The following RABGAP1L variants were observed in gnomAD, a reference collection of about 807,000 sequenced individuals.
RABGAP1L encodes the protein rab GTPase-activating protein 1-like.
Under a neutral mutation model 137.7 loss-of-function variants are expected in RABGAP1L, and 63 were observed. The observed-to-expected ratio is 0.46, with a 90% confidence interval of 0.37 to 0.56. RABGAP1L has a LOEUF of 0.56. RABGAP1L is among the 20% of genes least tolerant of loss of function. The probability of loss-of-function intolerance (pLI) is 0.00; values close to 1 mark genes in which losing one functional copy is unlikely to be tolerated. For missense variants in RABGAP1L, 1,095 were observed against 1,244.0 expected (o/e 0.88, Z 1.80); for synonymous variants, 431 against 433.7 (o/e 0.99, Z 0.08).
chr1:174,433,724 T>A (rs988635945), intron 13 of RABGAP1L, among the ~76,000 whole-genome samples: 8 of 152,220 alleles, frequency 5.3e-5, no homozygotes, highest in African/African-American at 1.7e-4. Context: ...GTATCTGTTC[T>A]TTTAGACATT....
chr1:174,431,826 A>G (rs1035707974), intron 13 of RABGAP1L, among the ~76,000 whole-genome samples: 12 of 152,228 alleles, frequency 7.9e-5, no homozygotes, highest in Non-Finnish European at 8.8e-5. Flanking sequence ...ATATTAAATT[A>G]TGTCAGAATT....
intron 13 of RABGAP1L, among the ~76,000 whole-genome samples, chr1:174,466,799 AAG>A (rs996555500): frequency 2.8e-4 from 42 of 152,124 alleles, no homozygotes; most frequent in Admixed American, 1.3e-4. Flanking sequence ...CCCCCGAAAA[AAG>A]AGAGAGTGAA....
At chr1:174,252,749 GT>G (rs11351373) in intron 7 of RABGAP1L, among the ~76,000 whole-genome samples, 159 bp downstream of exon 7, 87,078 of 151,952 alleles carry the variant, frequency 0.57, 27,341 homozygotes, top group African/African-American at 0.85. Flanking sequence ...GATGTAACTG[GT>G]TTCATTGAAA....
intron 13 of RABGAP1L, among the ~76,000 whole-genome samples, chr1:174,562,658 G>A (rs938175710): frequency 3.9e-5 from 6 of 152,066 alleles, no homozygotes; most frequent in African/African-American, 7.2e-5. Flanking sequence ...TATACACCAC[G>A]GAATACTATT....
intron 19 of RABGAP1L, among the ~76,000 whole-genome samples, chr1:174,813,093 A>G (rs1200679633): frequency 6.6e-6 from 1 of 152,206 alleles, no homozygotes; most frequent in Non-Finnish European, 1.5e-5. Flanking sequence ...TTAGTGGAGC[A>G]ATGATATGAT....
intron 18 of RABGAP1L, among the ~76,000 whole-genome samples, chr1:174,805,825 G>A (rs1231005980): frequency 6.6e-6 from 1 of 152,080 alleles, no homozygotes; most frequent in East Asian, 1.9e-4. Context: ...TTAAAAGCTG[G>A]TAGAGTTATT....
chr1:174,413,456 T>C (rs1650179828), intron 13 of RABGAP1L, among the ~76,000 whole-genome samples: 1 of 152,196 alleles, frequency 6.6e-6, no homozygotes, highest in Non-Finnish European at 1.5e-5. Context: ...TGAGTTTCCA[T>C]TTTAGTTGGG....
intron 19 of RABGAP1L, among the ~76,000 whole-genome samples, chr1:174,900,883 A>T (rs537643121): frequency 6.6e-6 from 1 of 151,716 alleles, no homozygotes; most frequent in Admixed American, 6.6e-5. Context: ...ATCCTGAAGG[A>T]TGTTTTCCAA....
chr1:174,557,466 C>G (rs1477575964), intron 13 of RABGAP1L, among the ~76,000 whole-genome samples: 1 of 152,218 alleles, frequency 6.6e-6, no homozygotes, highest in Non-Finnish European at 1.5e-5. Flanking sequence ...ACCCCATCCC[C>G]GTCATTCTAC....
chr1:174,436,654 G>A (rs1653356044), intron 13 of RABGAP1L, among the ~76,000 whole-genome samples: 1 of 152,180 alleles, frequency 6.6e-6, no homozygotes, highest in South Asian at 2.1e-4. Context: ...AAGCTCTTTA[G>A]TTTAATTAGA....
At chr1:174,666,125 A>T (rs1284563728) in intron 14 of RABGAP1L, among the ~76,000 whole-genome samples, 1 of 152,200 alleles carries the variant, frequency 6.6e-6, no homozygotes, top group Admixed American at 6.5e-5. Context: ...ATGTGAGAAC[A>T]GATCTCTTCT....
intron 13 of RABGAP1L, among the ~76,000 whole-genome samples, chr1:174,621,513 C>G (rs1021485851): frequency 6.6e-6 from 1 of 152,134 alleles, no homozygotes; most frequent in African/African-American, 2.4e-5. Flanking sequence ...GAGATATAGA[C>G]CAATGGAACA....
chr1:174,258,330 C>T (rs1412172984), intron 7 of RABGAP1L, among the ~76,000 whole-genome samples: 5 of 152,196 alleles, frequency 3.3e-5, no homozygotes, highest in Non-Finnish European at 7.3e-5. Context: ...TGTCACCCAG[C>T]CTGGAGTGCA....
intron 13 of RABGAP1L, among the ~76,000 whole-genome samples, chr1:174,475,252 C>G (rs1658378212): frequency 6.6e-6 from 1 of 152,124 alleles, no homozygotes; most frequent in African/African-American, 2.4e-5. Context: ...CTGTAGTCTA[C>G]AGAGCACACT....
rs9286899 is a variant in RABGAP1L at position 174,773,163 on chromosome 1, G to GGTGTGTGTGTGTGTGTGTGTGTGT, written c.2211+20829_2211+20830insGTGTGTGTGTGTGTGTGTGTGTGT. On this transcript the variant is annotated intron_variant, in intron 18 of 25. Coordinates refer to ENST00000681986, the MANE Select transcript of RABGAP1L (RefSeq NM_001366446.1). ...AGTGTTCTTAACTTCTAAGCTATGGGGTGTGTGTGTGTGTGTGTGTTTATT... is the reference window on the plus strand; with the variant it reads ...AGTGTTCTTAACTTCTAAGCTATGGGGTGTGTGTGTGTGTGTGTGTGTGTGTGTGTGTGTGTGTGTGTGTTTATT... 5.7e-4 allele frequency among the ~76,000 whole-genome samples: 86 copies of GGTGTGTGTGTGTGTGTGTGTGTGT among 149,658 alleles called. 1 individual carries two copies. The highest frequency in any genetic ancestry group is 9.5e-4 in the Non-Finnish European group (64 of 67,388).
intron 19 of RABGAP1L, among the ~76,000 whole-genome samples, chr1:174,945,128 C>T (rs1666525939): frequency 6.6e-6 from 1 of 152,122 alleles, no homozygotes; most frequent in African/African-American, 2.4e-5. Context: ...GTTTAATTAA[C>T]TCACTCTGAA....
intron 13 of RABGAP1L, among the ~76,000 whole-genome samples, chr1:174,547,665 C>A (rs1177606430): frequency 1.3e-5 from 2 of 152,002 alleles, no homozygotes; most frequent in African/African-American, 2.4e-5. Context: ...GCTTAACTTT[C>A]TTTAAATGTG....
intron 19 of RABGAP1L, among the ~76,000 whole-genome samples, chr1:174,906,056 C>T (rs1394829621): frequency 6.6e-6 from 1 of 152,108 alleles, no homozygotes; most frequent in Non-Finnish European, 1.5e-5. Flanking sequence ...CTCACTCTAT[C>T]ACCCAGGTCG....
intron 13 of RABGAP1L, among the ~76,000 whole-genome samples, chr1:174,443,687 A>G (rs1654409303): frequency 6.6e-6 from 1 of 151,994 alleles, no homozygotes; most frequent in Non-Finnish European, 1.5e-5. Flanking sequence ...TTAGCTTAAT[A>G]TCATCCTGTT....
Sources: allele counts gnomAD v4.1 joint callset (sites outside exome capture counted in the v4.1 genomes callset), GRCh38; gene constraint gnomAD v4.1.1; transcripts MANE v1.5; gene names NCBI Gene and HGNC (gene_info 2026-07-23, HGNC 2026-07-21).